The following CD46 variants were observed in gnomAD, a reference collection of about 807,000 sequenced individuals.
CD46 encodes CD46 molecule, also known as membrane cofactor protein.
A neutral mutation model predicts 53.3 loss-of-function variants in CD46; 30 were observed. That is an observed-to-expected ratio of 0.56 (90% CI 0.42 to 0.76). The LOEUF is 0.76. Among genes scored for constraint, CD46 ranks in the 30% least tolerant of loss-of-function variants. The pLI, the probability that CD46 is intolerant of heterozygous loss-of-function variation, is 0.00. For synonymous variants in CD46, 142 were observed against 152.0 expected (o/e 0.93, Z 0.48); for missense variants, 409 against 463.0 (o/e 0.88, Z 1.07).
At chr1:207,778,130 T>C (rs1290316621) in intron 8 of CD46, among the ~76,000 whole-genome samples, 1 of 152,200 alleles carries the variant, frequency 6.6e-6, no homozygotes, top group Admixed American at 6.5e-5. Flanking sequence ...CACTTTTTAA[T>C]GGAGTTGTTT....
intron 8 of CD46, among the ~76,000 whole-genome samples, chr1:207,779,913 CTTTTT>C (rs66758503): frequency 3.2e-5 from 2 of 62,384 alleles, no homozygotes; most frequent in Non-Finnish European, 6.0e-5. Flanking sequence ...AAAAGCAAGT[CTTTTT>C]TTTTTTTTTT....
At chr1:207,790,938 T>G (rs1659742926) in intron 12 of CD46, among the ~76,000 whole-genome samples, 1 of 152,206 alleles carries the variant, frequency 6.6e-6, no homozygotes, top group Non-Finnish European at 1.5e-5. Flanking sequence ...TATTCCTCTG[T>G]TTGTGCTAGA....
intron 12 of CD46, among the ~76,000 whole-genome samples, chr1:207,792,737 G>A (rs1659916892): frequency 6.6e-6 from 1 of 152,166 alleles, no homozygotes; most frequent in South Asian, 2.1e-4. Context: ...CCAGAGCTGT[G>A]CTGTCCAGTT....
rs1205790878 is a variant in CD46 at position 207,795,478 on chromosome 1, C to A, written c.*2001C>A. The A allele has an allele frequency of 6.6e-6, 1 of 152,160 alleles. No individual in the cohort carries two copies. The highest frequency in any genetic ancestry group is 1.5e-5 in the Non-Finnish European group (1 of 68,010). The allele number at this position is 152,160 out of a possible 1,614,324, so 9.4% of individuals were successfully genotyped here. ...TTTTTAAAAAATGGACTCTTGAAATCTGTTAAAATAAAATTGTACATTTGG... is the reference window on the plus strand; with the variant it reads ...TTTTTAAAAAATGGACTCTTGAAATATGTTAAAATAAAATTGTACATTTGG... On this transcript the variant is annotated 3_prime_UTR_variant, in exon 13 of 13. Coordinates refer to ENST00000367042, the MANE Select transcript of CD46 (RefSeq NM_172351.3).
intron 1 of CD46, among the ~76,000 whole-genome samples, chr1:207,756,370 T>G (rs1655540971): frequency 6.6e-6 from 1 of 152,238 alleles, no homozygotes; most frequent in Non-Finnish European, 1.5e-5. Flanking sequence ...TTACCTGTCC[T>G]TTTAGGGCAA....
chr1:207,758,229 G>A (rs558656054), intron 3 of CD46, among the ~76,000 whole-genome samples: 1 of 152,284 alleles, frequency 6.6e-6, no homozygotes, highest in Non-Finnish European at 1.5e-5. Context: ...AGATAAATGT[G>A]CATTTATAGA....
chr1:207,784,407 G>A (rs376425697), intron 9 of CD46, among the ~76,000 whole-genome samples: 2 of 152,244 alleles, frequency 1.3e-5, no homozygotes, highest in African/African-American at 4.8e-5. Flanking sequence ...TTACTATAGT[G>A]AATTCTAATT....
chr1:207,787,629 A>G (rs1476604644), intron 11 of CD46, among the ~76,000 whole-genome samples: 2 of 152,238 alleles, frequency 1.3e-5, no homozygotes, highest in Non-Finnish European at 2.9e-5. Flanking sequence ...AAAATAGTCC[A>G]GAAAATGGTG....
intron 7 of CD46, chr1:207,769,954 C>T (rs1450940407): frequency 5.7e-5 from 12 of 212,096 alleles, no homozygotes; most frequent in African/African-American, 1.9e-4. Flanking sequence ...TTAGTAGAGA[C>T]GGGGTTTCTC....
chr1:207,768,370 G>T (rs1657092503), intron 7 of CD46: 1 of 153,772 alleles, frequency 6.5e-6, no homozygotes, highest in South Asian at 2.0e-4. Flanking sequence ...TACTGAGTTT[G>T]TTCCTATTGC....
intron 5 of CD46, among the ~76,000 whole-genome samples, chr1:207,764,643 A>C (rs775247979): frequency 2.0e-5 from 3 of 152,264 alleles, no homozygotes; most frequent in Non-Finnish European, 4.4e-5. Flanking sequence ...ATATCACTAA[A>C]TATCCTACAG....
rs1656958098 is a variant in CD46, at chr1:207,767,190, T to A, written c.851T>A (p.Leu284His). 1 of 1,612,572 alleles carries A rather than the reference T, an allele frequency of 6.2e-7. No homozygotes were observed. Among genetic ancestry groups the A allele is most frequent in the Non-Finnish European group, 8.5e-7 (1 of 1,178,676 alleles). ...TGGGATCCCCCAGTTCCAAAGTGTC[T>A]TAAAGGTACAAAGGTTATCTTTTTT... is the stretch of plus-strand genomic sequence containing the variant. ...STWDPPVPKC[L>H]KVSTSSTTKS... The change falls in exon 6 of 13, where the codon CTT becomes CAT. Residue 284 changes from leucine (L) to histidine (H), a missense_variant. Leu to His is a moderately conservative substitution (Grantham distance 99, BLOSUM62 -3). Coordinates refer to ENST00000367042, the MANE Select transcript of CD46 (RefSeq NM_172351.3).
intron 11 of CD46, among the ~76,000 whole-genome samples, chr1:207,789,221 A>C (rs1659564967): frequency 6.6e-6 from 1 of 152,194 alleles, no homozygotes; most frequent in Non-Finnish European, 1.5e-5. Flanking sequence ...AAGTTAGTGA[A>C]AGTTATTTAC....
At chr1:207,773,836 G>T (rs1005393213) in intron 8 of CD46, among the ~76,000 whole-genome samples, 3 of 152,186 alleles carry the variant, frequency 2.0e-5, no homozygotes, top group Non-Finnish European at 4.4e-5. Context: ...GTGCGATGTG[G>T]TGCTGAGAAG....
chr1:207,785,148 A>G (rs1571685226), intron 10 of CD46, 42 bp downstream of exon 10: 1 of 1,436,972 alleles, frequency 7.0e-7, no homozygotes, highest in South Asian at 1.1e-5. Context: ...TCAAAAAATT[A>G]TTGTGAAGAC....
intron 6 of CD46, 86 bp downstream of exon 6, chr1:207,767,281 G>GACTTTATT: frequency 1.7e-6 from 2 of 1,168,302 alleles, no homozygotes; most frequent in Non-Finnish European, 2.6e-6. Context: ...TTAACTATCA[G>GACTTTATT]TCATACAAAA....
intron 8 of CD46, among the ~76,000 whole-genome samples, chr1:207,778,802 T>C (rs1456671596): frequency 6.6e-6 from 1 of 152,200 alleles, no homozygotes; most frequent in Non-Finnish European, 1.5e-5. Context: ...TTTAAAATAG[T>C]TTTTTCTAGT....
intron 11 of CD46, among the ~76,000 whole-genome samples, chr1:207,787,734 T>TA (rs1252999730): frequency 1.3e-5 from 2 of 152,198 alleles, no homozygotes; most frequent in Non-Finnish European, 2.9e-5. Context: ...GACAGGAACA[T>TA]ACTCGATTGG....
intron 5 of CD46, among the ~76,000 whole-genome samples, chr1:207,763,848 G>GT (rs10661265): frequency 0.12 from 17,345 of 139,642 alleles, 1,694 homozygotes; most frequent in African/African-American, 0.27. Context: ...TGATTTTTTG[G>GT]TTTTTTTTTT....
Sources: gnomAD v4.1 joint callset for allele counts (sites outside exome capture counted in the v4.1 genomes callset) on GRCh38, gnomAD v4.1.1 for gene constraint, MANE v1.5 for transcripts, NCBI Gene and HGNC (gene_info 2026-07-23, HGNC 2026-07-21) for gene names.